MED28: variants seen among roughly 807,000 people sequenced by gnomAD.
MED28 encodes the protein mediator of RNA polymerase II transcription subunit 28.
In MED28, 26 loss-of-function variants were observed where a neutral mutation model predicts 21.3. That is an observed-to-expected ratio of 1.22 (90% CI 0.89 to 1.69). The LOEUF is 1.69. MED28 is among the 40% of genes most tolerant of loss of function. The pLI is 0.00. For missense variants in MED28, 257 were observed against 215.4 expected, an observed-to-expected ratio of 1.19 and a Z score of -1.21; for synonymous variants, 110 against 87.6, an observed-to-expected ratio of 1.26 and a Z score of -1.43.
At position 17,627,470 on chromosome 4, in the gene MED28, C is replaced by CT. The variant is rs1714798182; in HGVS notation, c.*3674dup. 1 of 150,134 alleles carries CT rather than the reference C, an allele frequency of 6.7e-6. No homozygotes were observed. The highest frequency in any genetic ancestry group is 2.5e-5 in the African/African-American group (1 of 39,470). The allele number at this position is 150,134 out of a possible 1,614,324, so 9.3% of individuals were successfully genotyped here. On this transcript the variant is annotated 3_prime_UTR_variant, in exon 4 of 4. Transcript: ENST00000237380. Reference sequence around the variant, plus strand: ...CCTCTTTTCTCCTCCACCCAAATGTCTTAACTGTTAACATTCCCAGGTGTT... The same window carrying CT: ...CCTCTTTTCTCCTCCACCCAAATGTCTTTAACTGTTAACATTCCCAGGTGTT...
In MED28 at chr4:17,624,431, G is replaced by A. The variant is rs1255667671; in HGVS notation, c.*633G>A. 6.6e-6 allele frequency: 1 copy of A among 152,124 alleles called. No individual in the cohort carries two copies. The highest frequency in any genetic ancestry group is 1.5e-5 in the Non-Finnish European group (1 of 68,180). 9.4% of individuals were successfully genotyped at this position (152,124 alleles called of 1,614,324 possible). ...TAGGTTGATGCTGACTTCTGTTTGG[G>A]GTATGTTTATATTTTATGTGGTGTT... On this transcript the variant is annotated 3_prime_UTR_variant, in exon 4 of 4. Transcript: ENST00000237380.
chr4:17,633,987 CGGA>C lies in MED28; in HGVS notation c.*10191_*10193del, dbSNP rs958833482. The stretch of plus-strand genomic sequence containing the variant: ...AATGCTCACCCAATCAAAATTGTAT[CGGA>C]GAAGAAGCAACAATTTCATTTATAC... On this transcript the variant is annotated 3_prime_UTR_variant, in exon 4 of 4. Transcript: ENST00000237380. The C allele has an allele frequency of 7.3e-6, 7 of 960,184 alleles. No individual in the cohort carries two copies. In the African/African-American group the frequency reaches 1.0e-4, roughly 14 times the overall value. The allele number at this position is 960,184 out of a possible 1,614,324, so 59.5% of individuals were successfully genotyped here. A position where few individuals can be genotyped will look rare whatever the true frequency, so the allele number is the denominator to read the frequency against.
rs1162353676 is a variant in MED28 at position 17,631,678 on chromosome 4, TCTG to T, written c.*7886_*7888del. 1 of 152,220 alleles carries T rather than the reference TCTG, an allele frequency of 6.6e-6. No individual in the cohort carries two copies. Among genetic ancestry groups the T allele is most frequent in the East Asian group, 1.9e-4 (1 of 5,198 alleles). 9.4% of individuals were successfully genotyped at this position (152,220 alleles called of 1,614,324 possible). On this transcript the variant is annotated 3_prime_UTR_variant, in exon 4 of 4. Transcript: ENST00000237380. ...GAGGTGGGTGTTATCCCATCTATAA[TCTG>T]CTGCTTGTCTTAGACCAAGGAAGTG...
rs762520321 is a variant in MED28, at chr4:17,630,244, AG to A, written c.*6449del. The A allele has an allele frequency of 3.9e-5, 6 of 152,182 alleles. No individual in the cohort carries two copies. The South Asian group carries it at 1.2e-3, about 31-fold the overall frequency. 9.4% of individuals were successfully genotyped at this position (152,182 alleles called of 1,614,324 possible). A position where few individuals can be genotyped will look rare whatever the true frequency, so the allele number is the denominator to read the frequency against. ...AGCACAAAATAAAGAGCAGTCCTACAGGGTTCACTGCTATGTCCTGAATGTT... is the reference window on the plus strand; with the variant it reads ...AGCACAAAATAAAGAGCAGTCCTACAGGTTCACTGCTATGTCCTGAATGTT... On this transcript the variant is annotated 3_prime_UTR_variant, in exon 4 of 4. Coordinates refer to ENST00000237380, the MANE Select transcript of MED28 (RefSeq NM_025205.5).
In MED28 at chr4:17,632,702, G is replaced by A; in HGVS notation, c.*8904G>A. The A allele has an allele frequency of 1.0e-6, 1 of 970,428 alleles. No homozygotes were observed. Among genetic ancestry groups the A allele is most frequent in the Non-Finnish European group, 1.6e-6 (1 of 638,874 alleles). 60.1% of individuals were successfully genotyped at this position (970,428 alleles called of 1,614,324 possible). On this transcript the variant is annotated 3_prime_UTR_variant, in exon 4 of 4. Transcript: ENST00000237380. The stretch of plus-strand genomic sequence containing the variant: ...CAGCTTAATACCCACCATCTTTTCA[G>A]GGAAAGATAACTGCTTGTTTACTCT...
rs1228616030 is a variant in MED28 at position 17,633,508 on chromosome 4, G to A, written c.*9710G>A. ...TGAATTCAGACCTCCAGGCCAGATG[G>A]AGTCCACCTTTTGTATAACCCATGC... On this transcript the variant is annotated 3_prime_UTR_variant, in exon 4 of 4. Coordinates refer to ENST00000237380, the MANE Select transcript of MED28 (RefSeq NM_025205.5). 6.4e-5 allele frequency: 34 copies of A among 533,932 alleles called. No homozygotes were observed. The highest frequency in any genetic ancestry group is 1.1e-4 in the Non-Finnish European group (34 of 310,772). 33.1% of individuals were successfully genotyped at this position (533,932 alleles called of 1,614,324 possible).
chr4:17,615,035 G>A (rs1331355160), intron 1 of MED28, among the ~76,000 whole-genome samples: 3 of 152,198 alleles, frequency 2.0e-5, no homozygotes, highest in African/African-American at 7.2e-5. Flanking sequence ...ACGTGAACCC[G>A]AAGTTTGCCT....
intron 2 of MED28, 87 bp downstream of exon 2, chr4:17,620,054 G>A (rs1480168498): frequency 2.5e-6 from 3 of 1,190,698 alleles, no homozygotes; most frequent in South Asian, 1.2e-5. Flanking sequence ...TTTCAGTCCT[G>A]CTTTTATCCT....
At position 17,628,331 on chromosome 4, in the gene MED28, T is replaced by TA. The variant is rs537540094; in HGVS notation, c.*4534dup. On this transcript the variant is annotated 3_prime_UTR_variant, in exon 4 of 4. Transcript: ENST00000237380. The stretch of plus-strand genomic sequence containing the variant: ...ATATATGTGTATGTATGTGTGTATA[T>TA]ATATATGTGTGTGTGTATATATATA... 7.6e-4 allele frequency: 116 copies of TA among 151,696 alleles called. No individual in the cohort carries two copies. The highest frequency in any genetic ancestry group is 2.6e-3 in the African/African-American group (108 of 41,182). The allele number at this position is 151,696 out of a possible 1,614,324, so 9.4% of individuals were successfully genotyped here. A position where few individuals can be genotyped will look rare whatever the true frequency, so the allele number is the denominator to read the frequency against.
At position 17,625,306 on chromosome 4, in the gene MED28, T is replaced by G. The variant is rs1203925505; in HGVS notation, c.*1508T>G. ...GTGTGTGTATATGGTATCTGGCACA[T>G]GGATCTCTGATTACCAGCCTGACAT... On this transcript the variant is annotated 3_prime_UTR_variant, in exon 4 of 4. Transcript: ENST00000237380. 5.6e-6 allele frequency: 1 copy of G among 177,820 alleles called. No homozygotes were observed. Among genetic ancestry groups the G allele is most frequent in the Non-Finnish European group, 1.2e-5 (1 of 84,298 alleles). The allele number at this position is 177,820 out of a possible 1,614,324, so 11.0% of individuals were successfully genotyped here.
Position 17,633,641 on chromosome 4 carries a change from T to C in MED28, c.*9843T>C, listed in dbSNP as rs1715032025. On this transcript the variant is annotated 3_prime_UTR_variant, in exon 4 of 4. Coordinates refer to ENST00000237380, the MANE Select transcript of MED28 (RefSeq NM_025205.5). ...AGAAAGAATCCTACTTCCCCTCTTA[T>C]CTACAGGGAAATAGAATAAGGGCCC... The C allele has an allele frequency of 5.0e-6, 7 of 1,392,498 alleles. No individual in the cohort carries two copies. Among genetic ancestry groups the C allele is most frequent in the Non-Finnish European group, 4.7e-6 (5 of 1,063,018 alleles). The allele number at this position is 1,392,498 out of a possible 1,614,324, so 86.3% of individuals were successfully genotyped here.
At chr4:17,617,915 AT>A (rs1376940974) in intron 1 of MED28, among the ~76,000 whole-genome samples, 2 of 151,938 alleles carry the variant, frequency 1.3e-5, no homozygotes, top group Non-Finnish European at 2.9e-5. Context: ...CAAAAAAAAA[AT>A]ATATGTTCTC....
At position 17,623,931 on chromosome 4, in the gene MED28, T is replaced by C; in HGVS notation, c.*133T>C. 4.0e-6 allele frequency: 4 copies of C among 1,000,672 alleles called. No homozygotes were observed. Among genetic ancestry groups the C allele is most frequent in the Non-Finnish European group, 4.4e-6 (3 of 686,632 alleles). 62.0% of individuals were successfully genotyped at this position (1,000,672 alleles called of 1,614,324 possible). The stretch of plus-strand genomic sequence containing the variant: ...GTTCATTTTAGTTTTATGCTCCCAT[T>C]GAAAAATTTTCCACTATTTTTATAA... On this transcript the variant is annotated 3_prime_UTR_variant, in exon 4 of 4. Coordinates refer to ENST00000237380, the MANE Select transcript of MED28 (RefSeq NM_025205.5).
rs1714934067 is a variant in MED28, at chr4:17,631,332, TA to T, written c.*7536del. The T allele has an allele frequency of 7.4e-6, 1 of 134,602 alleles. No individual in the cohort carries two copies. The highest frequency in any genetic ancestry group is 4.0e-5 in the African/African-American group (1 of 24,780). The allele number at this position is 134,602 out of a possible 1,614,324, so 8.3% of individuals were successfully genotyped here. On this transcript the variant is annotated 3_prime_UTR_variant, in exon 4 of 4. Transcript: ENST00000237380. ...CCAAGTAGCTGGGTTTTCTTTGGGCTAATTATTTTTTTGTAGAGATGGAGGT... is the reference window on the plus strand; with the variant it reads ...CCAAGTAGCTGGGTTTTCTTTGGGCTATTATTTTTTTGTAGAGATGGAGGT...
In MED28 at chr4:17,623,548, G is replaced by A. The variant is rs771817896; in HGVS notation, c.340-53G>A. 1.3e-5 allele frequency: 21 copies of A among 1,557,946 alleles called. No individual in the cohort carries two copies. In the East Asian group the frequency reaches 2.0e-4, roughly 15 times the overall value. ...GTTAGCCTCTTAACTAACCAGAACC[G>A]TATGTGTTTTTCCTGCATTTGCTCT... On this transcript the variant is annotated intron_variant, in intron 3 of 3. Coordinates refer to ENST00000237380, the MANE Select transcript of MED28 (RefSeq NM_025205.5).
At position 17,614,796 on chromosome 4, in the gene MED28, T is replaced by C. The variant is rs780480489; in HGVS notation, c.142T>C (p.Leu48=). 5 of 1,608,916 alleles carry C rather than the reference T, an allele frequency of 3.1e-6. No individual in the cohort carries two copies. The highest frequency in any genetic ancestry group is 1.3e-5 in the African/African-American group (1 of 74,568). The change falls in exon 1 of 4, where the codon TTG becomes CTG. Residue 48 remains leucine (L), a synonymous_variant. Coordinates refer to ENST00000237380, the MANE Select transcript of MED28 (RefSeq NM_025205.5). ...TTCCAGCAGTACTTTGGTGGACGAG[T>C]TGGAGTCATCTTTCGAGGTAATATA... The part of the protein sequence containing the change: ...RPSSSTLVDE[L]ESSFEACFAS...
intron 2 of MED28, 62 bp from the exon 3 acceptor site, chr4:17,621,525 G>A (rs936307500): frequency 9.3e-7 from 1 of 1,073,672 alleles, no homozygotes; most frequent in Non-Finnish European, 1.4e-6. Context: ...ATTCATTTAT[G>A]AGGGAGATAA....
chr4:17,623,135 T>A (rs1356633207), intron 3 of MED28, among the ~76,000 whole-genome samples: 1 of 152,100 alleles, frequency 6.6e-6, no homozygotes, highest in Admixed American at 6.5e-5. Context: ...GTGTGGTGGC[T>A]CACGCCTGTA....
At chr4:17,621,789 C>T (rs1195729676) in intron 3 of MED28, 90 bp downstream of exon 3, 1 of 873,712 alleles carries the variant, frequency 1.1e-6, no homozygotes, top group Non-Finnish European at 1.8e-6. Flanking sequence ...TAACCGTTTC[C>T]TGCGAGTTTC....
Sources: allele counts gnomAD v4.1 joint callset (sites outside exome capture counted in the v4.1 genomes callset), GRCh38; gene constraint gnomAD v4.1.1; transcripts MANE v1.5; gene names NCBI Gene and HGNC (gene_info 2026-07-23, HGNC 2026-07-21).